The following ABCG5 variants were observed in gnomAD, a reference collection of about 807,000 sequenced individuals.
ABCG5 encodes ATP-binding cassette sub-family G member 5.
A neutral mutation model predicts 64.5 loss-of-function variants in ABCG5; 64 were observed. That is an observed-to-expected ratio of 0.99 (90% CI 0.81 to 1.22). The LOEUF is 1.22. Among genes scored for constraint, ABCG5 ranks in the 50% most tolerant of loss-of-function variants. ABCG5 has a pLI of 0.00. For synonymous variants in ABCG5, 385 were observed against 326.3 expected (o/e 1.18, Z -1.94); for missense variants, 908 against 829.5 (o/e 1.09, Z -1.16).
chr2:43,832,225 C>G, intron 2 of ABCG5, 142 bp from the exon 3 acceptor site: 1 of 1,161,436 alleles, frequency 8.6e-7, no homozygotes, highest in Non-Finnish European at 1.2e-6. Context: ...AAGGACACAG[C>G]AGGATACAGG....
intron 4 of ABCG5, 143 bp from the exon 5 acceptor site, chr2:43,828,258 C>T (rs1160385310): frequency 1.9e-6 from 2 of 1,066,728 alleles, no homozygotes; most frequent in Non-Finnish European, 2.8e-6. Flanking sequence ...CTGGGGAAAG[C>T]ATGTCTTTGA....
rs1012727118 is a variant in ABCG5 at position 43,822,525 on chromosome 2, C to T, written c.1463+272G>A. On this transcript the variant is annotated intron_variant, in intron 10 of 12. Transcript: ENST00000405322. ...CCTAGCTACTTCAGAGTCCTCTCTT[C>T]TCTGGCCCAGGCCCTGCCGTGAATG... 3 of 980,318 alleles carry T rather than the reference C, an allele frequency of 3.1e-6. 1 individual carries two copies. In the African/African-American group the frequency reaches 5.3e-5, roughly 17 times the overall value. 60.7% of individuals were successfully genotyped at this position (980,318 alleles called of 1,614,324 possible).
intron 4 of ABCG5, chr2:43,828,494 GA>G: frequency 3.2e-6 from 1 of 313,366 alleles, no homozygotes; most frequent in Admixed American, 4.6e-5. Context: ...AAAAAAAAAA[GA>G]AAGAAAAAAA....
chr2:43,818,009 G>A (rs953002365), intron 11 of ABCG5, among the ~76,000 whole-genome samples: 1 of 152,066 alleles, frequency 6.6e-6, no homozygotes, highest in African/African-American at 2.4e-5. Context: ...AAAGCTTAAC[G>A]TTAACCTACA....
Position 43,813,300 on chromosome 2 carries a change from T to G in ABCG5, c.1772A>C (p.Asn591Thr). 1 of 1,612,226 alleles carries G rather than the reference T, an allele frequency of 6.2e-7. No individual in the cohort carries two copies. Among genetic ancestry groups the G allele is most frequent in the East Asian group, 2.2e-5 (1 of 44,872 alleles). The stretch of plus-strand genomic sequence containing the variant: ...CATTGGATTAGTTGTCACAGAAACA[T>G]TTGAGCTGCCTGTCAAGGAAAAGAT... Reference protein sequence around the residue: ...YGLNFTCGSSNVSVTTNPMCA... With the variant: ...YGLNFTCGSSTVSVTTNPMCA... The change falls in exon 13 of 13, where the codon AAT becomes ACT. Residue 591 changes from asparagine (N) to threonine (T), a missense_variant. Coordinates refer to ENST00000405322, the MANE Select transcript of ABCG5 (RefSeq NM_022436.3).
intron 12 of ABCG5, among the ~76,000 whole-genome samples, chr2:43,813,938 C>T (rs1666652223): frequency 1.3e-5 from 2 of 151,756 alleles, no homozygotes; most frequent in Non-Finnish European, 2.9e-5. Flanking sequence ...AGGCTGGTCT[C>T]GAACTCTTGA....
chr2:43,809,918 T>C, downstream of ABCG5: 1 of 1,383,824 alleles, frequency 7.2e-7, no homozygotes. Flanking sequence ...TGCATCTCCC[T>C]GTATATCTTG....
chr2:43,815,910 GAAAAAAA>G (rs4148200), intron 11 of ABCG5, among the ~76,000 whole-genome samples: 13 of 104,072 alleles, frequency 1.2e-4, no homozygotes, highest in Admixed American at 3.9e-4. Context: ...AACAGGAAAA[GAAAAAAA>G]AAAAAAAAAA....
chr2:43,813,308 G>A lies in ABCG5; in HGVS notation c.1764C>T (p.Gly588=). The change falls in exon 13 of 13, where the codon GGC becomes GGT. Residue 588 remains glycine, a splice_region_variant and synonymous_variant. Transcript: ENST00000405322. ...NEFYGLNFTC[G]SSNVSVTTNP... ...TAGTTGTCACAGAAACATTTGAGCTGCCTGTCAAGGAAAAGATTGACAGTG... is the reference window on the plus strand; with the variant it reads ...TAGTTGTCACAGAAACATTTGAGCTACCTGTCAAGGAAAAGATTGACAGTG... The A allele has an allele frequency of 6.2e-7, 1 of 1,607,520 alleles. No individual in the cohort carries two copies.
chr2:43,822,729 T>G, intron 10 of ABCG5, 68 bp downstream of exon 10: 1 of 1,610,270 alleles, frequency 6.2e-7, no homozygotes, highest in East Asian at 2.2e-5. Context: ...GAGCTCTCCC[T>G]GCACGAGTCC....
upstream of ABCG5, chr2:43,839,218 A>C: frequency 7.8e-7 from 1 of 1,284,580 alleles, no homozygotes; most frequent in South Asian, 1.3e-5. Flanking sequence ...CACCACCCGG[A>C]CATCAAGCAG....
At chr2:43,815,078 A>C (rs1164397939) in intron 11 of ABCG5, among the ~76,000 whole-genome samples, 1 of 152,182 alleles carries the variant, frequency 6.6e-6, no homozygotes, top group Non-Finnish European at 1.5e-5. Context: ...ACACATACCA[A>C]TTGGAGGAGG....
At position 43,838,505 on chromosome 2, in the gene ABCG5, G is replaced by A. The variant is rs370315188; in HGVS notation, c.143+32C>T. Reference sequence around the variant, plus strand: ...GTGAGCGCCGGGCCCCGCACTCCTGGGGGAGCAGCAGCAGCAAGGGCTCTG... The same window carrying A: ...GTGAGCGCCGGGCCCCGCACTCCTGAGGGAGCAGCAGCAGCAAGGGCTCTG... On this transcript the variant is annotated intron_variant, in intron 1 of 12. Transcript: ENST00000405322. The surrounding 1 kb of genome is among the most constrained non-coding windows in gnomAD (Gnocchi z 4.2). 34 of 1,576,782 alleles carry A rather than the reference G, an allele frequency of 2.2e-5. No individual in the cohort carries two copies. Among genetic ancestry groups the A allele is most frequent in the African/African-American group, 1.2e-4 (9 of 74,082 alleles).
intron 2 of ABCG5, among the ~76,000 whole-genome samples, chr2:43,837,341 G>A (rs529043584): frequency 7.9e-5 from 12 of 151,388 alleles, no homozygotes; most frequent in Non-Finnish European, 1.5e-4. Flanking sequence ...GGTTGCTCTC[G>A]AACTCCTGGG....
At chr2:43,810,623 T>G, downstream of ABCG5, 2 of 617,680 alleles carry the variant, frequency 3.2e-6, no homozygotes, top group Non-Finnish European at 4.0e-6. Context: ...GCACATTTAC[T>G]ACCCCAAGGG....
At position 43,838,637 on chromosome 2, in the gene ABCG5, G is replaced by C. The variant is rs372312214; in HGVS notation, c.43C>G (p.Leu15Val). The C allele has an allele frequency of 2.2e-5, 35 of 1,613,458 alleles. No homozygotes were observed. The highest frequency in any genetic ancestry group is 2.8e-5 in the Non-Finnish European group (33 of 1,179,926). ...SSLTPGGSMG[L>V]QVNRGSQSSL... is the part of the protein sequence containing the mutation. The stretch of plus-strand genomic sequence containing the variant: ...CTCTGGGAGCCTCTGTTTACTTGGA[G>C]ACCCATGGACCCTCCGGGGGTCAAA... The change falls in exon 1 of 13, where the codon CTC becomes GTC. Residue 15 changes from leucine to valine, a missense_variant. Physicochemically the swap from Leu to Val is conservative, Grantham distance 32 (BLOSUM62 1). Coordinates refer to ENST00000405322, the MANE Select transcript of ABCG5 (RefSeq NM_022436.3). This position sits in a 1 kb window ranked among gnomAD's most constrained non-coding sequence, Gnocchi z 4.2.
At position 43,813,519 on chromosome 2, in the gene ABCG5, A is replaced by G. The variant is rs17031655; in HGVS notation, c.1763-210T>C. ...ACATGCTTTTGTTTCTATTTTGGGTATAGATTCATTACCATATTTGTGATA... is the reference window on the plus strand; with the variant it reads ...ACATGCTTTTGTTTCTATTTTGGGTGTAGATTCATTACCATATTTGTGATA... On this transcript the variant is annotated intron_variant, in intron 12 of 12. Coordinates refer to ENST00000405322, the MANE Select transcript of ABCG5 (RefSeq NM_022436.3). 0.022 allele frequency among the ~76,000 whole-genome samples: 3,292 copies of G among 152,162 alleles called. 83 individuals carry two copies. Among genetic ancestry groups the G allele is most frequent in the African/African-American group, 0.062 (2,569 of 41,490 alleles).
In ABCG5 at chr2:43,838,606, A is replaced by G. The variant is rs1668434997; in HGVS notation, c.74T>C (p.Leu25Pro). ...LQVNRGSQSS[L>P]EGAPATAPEP... The stretch of plus-strand genomic sequence containing the variant: ...CGGGGCGGTGGCAGGAGCCCCCTCC[A>G]GGGAGCTCTGGGAGCCTCTGTTTAC... The change falls in exon 1 of 13, where the codon CTG (leucine) becomes CCG (proline). Residue 25 changes from leucine (L) to proline (P), a missense_variant. Coordinates refer to ENST00000405322, the MANE Select transcript of ABCG5 (RefSeq NM_022436.3). This position sits in a 1 kb window ranked among gnomAD's most constrained non-coding sequence, Gnocchi z 4.2. The G allele has an allele frequency of 2.5e-6, 4 of 1,612,180 alleles. No individual in the cohort carries two copies. The highest frequency in any genetic ancestry group is 3.4e-6 in the Non-Finnish European group (4 of 1,179,560).
chr2:43,833,719 CTA>C (rs1453237965), intron 2 of ABCG5, among the ~76,000 whole-genome samples: 1 of 151,728 alleles, frequency 6.6e-6, no homozygotes, highest in Non-Finnish European at 1.5e-5. Context: ...GAGTCTCACT[CTA>C]TTGCCCAGGC....
Sources: gnomAD v4.1 joint callset for allele counts (sites outside exome capture counted in the v4.1 genomes callset) on GRCh38, gnomAD v4.1.1 for gene constraint, Gnocchi (gnomAD v3.1) non-coding constraint, MANE v1.5 for transcripts, NCBI Gene and HGNC (gene_info 2026-07-23, HGNC 2026-07-21) for gene names.